COMMD1: variants seen among roughly 807,000 people sequenced by gnomAD.
COMMD1 encodes the protein copper metabolism domain containing 1, also known as COMM domain-containing protein 1.
COMMD1 carries 10 observed loss-of-function variants against 17.2 expected under a neutral mutation model. The ratio of observed to expected loss-of-function variants is 0.58; its 90% CI spans 0.36 to 0.99. COMMD1 has a LOEUF of 0.99. COMMD1 is among the 50% of genes least tolerant of loss of function. The pLI, the probability that COMMD1 is intolerant of heterozygous loss-of-function variation, is 0.01. For missense variants in COMMD1, 270 were observed against 231.8 expected (o/e 1.17, Z -1.07); for synonymous variants, 97 against 91.6 (o/e 1.06, Z -0.34).
intron 1 of COMMD1, among the ~76,000 whole-genome samples, chr2:61,933,948 A>G (rs1670536164): frequency 6.6e-6 from 1 of 151,958 alleles, no homozygotes; most frequent in South Asian, 2.1e-4. Flanking sequence ...TATTTTTAGT[A>G]GAGATGGGGT....
chr2:62,001,181 C>G (rs1318113682), intron 2 of COMMD1, 199 bp downstream of exon 2: 1 of 586,732 alleles, frequency 1.7e-6, no homozygotes, highest in Non-Finnish European at 3.0e-6. Context: ...CCTCAGGGTC[C>G]TGGCAGCTGT....
chr2:62,043,364 T>G (rs534590962), intron 2 of COMMD1, among the ~76,000 whole-genome samples: 1 of 152,350 alleles, frequency 6.6e-6, no homozygotes, highest in African/African-American at 2.4e-5. Flanking sequence ...ATTTTTATTT[T>G]TTAGGACTAA....
At chr2:61,991,177 T>G (rs1230581898) in intron 1 of COMMD1, among the ~76,000 whole-genome samples, 1 of 152,206 alleles carries the variant, frequency 6.6e-6, no homozygotes, top group Non-Finnish European at 1.5e-5. Context: ...TTTTTAAATT[T>G]GTTTTGGCTC....
intron 2 of COMMD1, among the ~76,000 whole-genome samples, chr2:62,112,762 AC>A: frequency 6.6e-6 from 1 of 152,208 alleles, no homozygotes; most frequent in Non-Finnish European, 1.5e-5. Flanking sequence ...AGTAGTGGGG[AC>A]ATATCTAAAC....
chr2:61,992,781 T>C (rs1461279633), intron 1 of COMMD1, among the ~76,000 whole-genome samples: 1 of 152,208 alleles, frequency 6.6e-6, no homozygotes, highest in Admixed American at 6.5e-5. Flanking sequence ...ACCACTGTTT[T>C]GGTTTATCAG....
intron 2 of COMMD1, among the ~76,000 whole-genome samples, chr2:62,124,907 T>A (rs1401074070): frequency 1.3e-5 from 2 of 152,190 alleles, no homozygotes; most frequent in African/African-American, 4.8e-5. Context: ...GATCTGAAAT[T>A]TCCTAGATAC....
chr2:62,030,181 T>C (rs760705490), intron 2 of COMMD1, among the ~76,000 whole-genome samples: 2 of 152,342 alleles, frequency 1.3e-5, no homozygotes, highest in South Asian at 2.1e-4. Flanking sequence ...GGGGGTCTTA[T>C]GGCCCACAGT....
chr2:61,933,990 C>T (rs1670537857), intron 1 of COMMD1, among the ~76,000 whole-genome samples: 1 of 152,134 alleles, frequency 6.6e-6, no homozygotes, highest in Non-Finnish European at 1.5e-5. Context: ...GTCTCAAACT[C>T]CCAACCTCAG....
intron 1 of COMMD1, among the ~76,000 whole-genome samples, chr2:61,985,184 G>A (rs2103763629): frequency 6.6e-6 from 1 of 152,038 alleles, no homozygotes; most frequent in East Asian, 1.9e-4. Context: ...CCGAGTAGCT[G>A]GGACTACAGG....
At chr2:61,936,753 A>G (rs1670616681) in intron 1 of COMMD1, among the ~76,000 whole-genome samples, 1 of 152,140 alleles carries the variant, frequency 6.6e-6, no homozygotes, top group Non-Finnish European at 1.5e-5. Context: ...TTTTTGGAGT[A>G]TTTATATTAA....
At chr2:61,997,313 C>T (rs572122900) in intron 1 of COMMD1, among the ~76,000 whole-genome samples, 1 of 151,920 alleles carries the variant, frequency 6.6e-6, no homozygotes, top group Admixed American at 6.6e-5. Flanking sequence ...CTGCCCACCT[C>T]GGCCTCCCAA....
chr2:62,014,859 C>T (rs1423072116), intron 2 of COMMD1, among the ~76,000 whole-genome samples: 3 of 151,970 alleles, frequency 2.0e-5, no homozygotes, highest in Non-Finnish European at 4.4e-5. Context: ...GCCACTGCGC[C>T]CGGCCATTTC....
rs746538342 is a variant in COMMD1 at position 61,905,861 on chromosome 2, A to T, written c.180+3A>T. Reference sequence around the variant, plus strand: ...CAAAGATGAGGGGGATTCTTAAGGTACTGCTCTTTTCTGTAGTCTCCGGCT... The same window carrying T: ...CAAAGATGAGGGGGATTCTTAAGGTTCTGCTCTTTTCTGTAGTCTCCGGCT... On this transcript the variant is annotated splice_donor_region_variant and intron_variant, in intron 1 of 2. Transcript: ENST00000311832. The T allele has an allele frequency of 2.5e-6, 4 of 1,613,928 alleles. No individual in the cohort carries two copies. The highest frequency in any genetic ancestry group is 3.4e-6 in the Non-Finnish European group (4 of 1,179,968).
intron 1 of COMMD1, among the ~76,000 whole-genome samples, chr2:61,960,451 T>G (rs1176032456): frequency 6.6e-6 from 1 of 152,046 alleles, no homozygotes. Context: ...GCTAAGGAGG[T>G]GAGAACTGAA....
chr2:62,054,336 A>G (rs866548258), intron 2 of COMMD1, among the ~76,000 whole-genome samples: 3 of 152,222 alleles, frequency 2.0e-5, no homozygotes, highest in South Asian at 4.1e-4. Flanking sequence ...CAGCAGTGCC[A>G]CTACTGGGTA....
intron 2 of COMMD1, among the ~76,000 whole-genome samples, chr2:62,089,187 A>G (rs887874087): frequency 6.6e-5 from 10 of 152,132 alleles, no homozygotes; most frequent in Admixed American, 2.0e-4. Context: ...GAAGAAAAAG[A>G]TCTAGCTATG....
intron 2 of COMMD1, among the ~76,000 whole-genome samples, chr2:62,065,578 C>G (rs1671014856): frequency 6.6e-6 from 1 of 151,980 alleles, no homozygotes; most frequent in African/African-American, 2.4e-5. Context: ...CCTCAGCCTC[C>G]CAAACTGATG....
intron 2 of COMMD1, among the ~76,000 whole-genome samples, chr2:62,057,011 A>AAGATTGTT (rs986480654): frequency 6.6e-6 from 1 of 152,186 alleles, no homozygotes; most frequent in Non-Finnish European, 1.5e-5. Context: ...CAACCAAAAC[A>AAGATTGTT]AGATTGTTAC....
intron 2 of COMMD1, among the ~76,000 whole-genome samples, chr2:62,054,548 G>A (rs1037679726): frequency 6.6e-6 from 1 of 152,170 alleles, no homozygotes; most frequent in African/African-American, 2.4e-5. Flanking sequence ...AGGGACAGCT[G>A]ACTAATGGTC....
Sources: allele counts gnomAD v4.1 joint callset (sites outside exome capture counted in the v4.1 genomes callset), GRCh38; gene constraint gnomAD v4.1.1; transcripts MANE v1.5; gene names NCBI Gene and HGNC (gene_info 2026-07-23, HGNC 2026-07-21).